DGKH: variants seen among roughly 807,000 people sequenced by gnomAD.
DGKH encodes DAG kinase eta.
Under a neutral mutation model 159.3 loss-of-function variants are expected in DGKH, and 90 were observed. The observed-to-expected ratio is 0.57, with a 90% CI of 0.48 to 0.67. The LOEUF (loss-of-function observed/expected upper bound fraction) is 0.67. Ranked by LOEUF, DGKH falls within the 30% of genes least tolerant of loss-of-function variation. The probability of loss-of-function intolerance (pLI) is 0.00; values close to 1 mark genes in which losing one functional copy is unlikely to be tolerated. For missense variants in DGKH, 1,181 were observed against 1,506.1 expected, an observed-to-expected ratio of 0.78 and a Z score of 3.57; for synonymous variants, 536 against 553.8, an observed-to-expected ratio of 0.97 and a Z score of 0.45.
At chr13:42,155,179 G>A (rs918925862) in intron 3 of DGKH, 112 bp from the exon 4 acceptor site, 37 of 828,808 alleles carry the variant, frequency 4.5e-5, no homozygotes, top group Non-Finnish European at 5.4e-5. Context: ...TTACAAAAAC[G>A]TAAGAAATAA....
chr13:42,252,671 G>A (rs915362427), intron 30 of DGKH, among the ~76,000 whole-genome samples: 3 of 152,210 alleles, frequency 2.0e-5, no homozygotes, highest in South Asian at 2.1e-4. Context: ...GCAATTGCAC[G>A]CTAATTCTAT....
At chr13:42,160,218 A>G in intron 7 of DGKH, 82 bp downstream of exon 7, 4 of 1,595,688 alleles carry the variant, frequency 2.5e-6, no homozygotes, top group Non-Finnish European at 2.6e-6. Flanking sequence ...GAGGCAAAGC[A>G]AAGAATTTAT....
chr13:42,110,175 A>G (rs1349307370), intron 1 of DGKH, among the ~76,000 whole-genome samples: 2 of 152,168 alleles, frequency 1.3e-5, no homozygotes, highest in Non-Finnish European at 2.9e-5. Flanking sequence ...AGATAACTGT[A>G]TGTGGTAGAT....
Position 42,187,147 on chromosome 13 carries a change from A to G in DGKH, c.1637A>G (p.Lys546Arg), listed in dbSNP as rs1225227469. The G allele has an allele frequency of 1.2e-6, 2 of 1,613,312 alleles. No individual in the cohort carries two copies. The highest frequency in any genetic ancestry group is 1.1e-5 in the South Asian group (1 of 91,068). The change falls in exon 14 of 30, where the codon AAA becomes AGA. Residue 546 changes from lysine to arginine, a missense_variant and splice_region_variant. By Grantham distance (26) the Lys-to-Arg change is conservative (BLOSUM62 2). This residue lies in a region of DGKH where 257 missense variants were observed against 281.5 expected (regional missense o/e 0.91). Transcript: ENST00000337343. ...GTTGTAGCTGATGCCGTGGCCAGTA[A>G]AGTAAGAGGGGACTCTTCAGGGCAT... is the stretch of plus-strand genomic sequence containing the variant. ...NAVVADAVASKCSVLNEKLEQ... is the reference protein window; with the variant it reads ...NAVVADAVASRCSVLNEKLEQ...
At chr13:42,202,413 C>G (rs773471761) in intron 20 of DGKH, among the ~76,000 whole-genome samples, 35 of 152,286 alleles carry the variant, frequency 2.3e-4, no homozygotes, top group Admixed American at 9.2e-4. Flanking sequence ...GCTTTTTACT[C>G]TTACCTTTTT....
chr13:42,247,039 C>A (rs899128014), downstream of DGKH, among the ~76,000 whole-genome samples: 3 of 152,080 alleles, frequency 2.0e-5, no homozygotes, highest in Non-Finnish European at 4.4e-5. Context: ...CGCCCAGTTA[C>A]CTCATAGCCA....
intron 3 of DGKH, among the ~76,000 whole-genome samples, chr13:42,137,426 C>G (rs1272242781): frequency 1.3e-5 from 2 of 152,110 alleles, no homozygotes; most frequent in African/African-American, 4.8e-5. Context: ...TTGTGATTCC[C>G]ATTTGATAGA....
chr13:42,129,117 G>A (rs368068240), intron 2 of DGKH, among the ~76,000 whole-genome samples: 1 of 152,196 alleles, frequency 6.6e-6, no homozygotes, highest in Admixed American at 6.5e-5. Flanking sequence ...GGTTCAGAAG[G>A]TTCAGTTACT....
chr13:42,188,649 TTG>T (rs1956986681), intron 14 of DGKH, among the ~76,000 whole-genome samples: 1 of 152,246 alleles, frequency 6.6e-6, no homozygotes. Context: ...AAAATGTCTG[TTG>T]TGTTATTTTG....
chr13:42,095,877 C>T (rs1393440067), intron 1 of DGKH, among the ~76,000 whole-genome samples: 1 of 152,160 alleles, frequency 6.6e-6, no homozygotes, highest in African/African-American at 2.4e-5. Context: ...TTTACATTTG[C>T]TTGAACCAAT....
intron 1 of DGKH, among the ~76,000 whole-genome samples, chr13:42,077,120 G>A (rs1189106175): frequency 6.6e-6 from 1 of 151,904 alleles, no homozygotes; most frequent in Non-Finnish European, 1.5e-5. Context: ...CTTTCAAATT[G>A]CTCATATTTG....
chr13:42,162,092 C>T (rs1381768340), intron 7 of DGKH, among the ~76,000 whole-genome samples: 2 of 152,216 alleles, frequency 1.3e-5, no homozygotes, highest in African/African-American at 4.8e-5. Flanking sequence ...GACATCATTC[C>T]TGCCCCACCC....
chr13:42,201,626 G>A (rs968616108), intron 20 of DGKH, among the ~76,000 whole-genome samples: 2 of 151,970 alleles, frequency 1.3e-5, no homozygotes, highest in Admixed American at 6.6e-5. Context: ...AATCTTTTTT[G>A]AGTTGTAGGC....
intron 24 of DGKH, 88 bp downstream of exon 24, chr13:42,210,853 G>A (rs908602794): frequency 1.3e-5 from 16 of 1,225,338 alleles, no homozygotes; most frequent in South Asian, 9.1e-5. Context: ...TGTTTCAGTA[G>A]TGGTATCAAA....
chr13:42,043,034 T>C (rs1353990926), intron 1 of DGKH, among the ~76,000 whole-genome samples: 33 of 152,226 alleles, frequency 2.2e-4, no homozygotes, highest in Admixed American at 2.2e-3. Flanking sequence ...AGATTAAATA[T>C]GTTTTGAAGG....
intron 20 of DGKH, among the ~76,000 whole-genome samples, chr13:42,201,748 T>A (rs1957351007): frequency 6.6e-6 from 1 of 152,212 alleles, no homozygotes; most frequent in Non-Finnish European, 1.5e-5. Context: ...TTAAAATAAA[T>A]TAACAACATA....
In DGKH at chr13:42,051,801, G is replaced by T. The variant is rs186389282; in HGVS notation, c.192+2836G>T. Among the ~76,000 whole-genome samples the T allele has an allele frequency of 3.0e-4, 45 of 152,038 alleles. No individual in the cohort carries two copies. The East Asian group carries it at 7.7e-3, about 26-fold the overall frequency. ...CTGCCTCAGCCTCCCGAGTAGCTGGGATTACAGGCATGCGCCACCACACCC... is the reference window on the plus strand; with the variant it reads ...CTGCCTCAGCCTCCCGAGTAGCTGGTATTACAGGCATGCGCCACCACACCC... On this transcript the variant is annotated intron_variant, in intron 1 of 29. Transcript: ENST00000337343.
Position 42,133,499 on chromosome 13 carries a change from C to G in DGKH, c.384+3867C>G, listed in dbSNP as rs564645845. Reference sequence around the variant, plus strand: ...ATGAAGCCAGGACTTTGAGACCAGCCTGGGGAACATAGTGAGACACCCCTT... The same window carrying G: ...ATGAAGCCAGGACTTTGAGACCAGCGTGGGGAACATAGTGAGACACCCCTT... On this transcript the variant is annotated intron_variant, in intron 3 of 29. Coordinates refer to ENST00000337343, the MANE Select transcript of DGKH (RefSeq NM_178009.5). Among the ~76,000 whole-genome samples, 11 of 152,116 alleles carry G rather than the reference C, an allele frequency of 7.2e-5. No homozygotes were observed. The South Asian group carries it at 2.3e-3, about 32-fold the overall frequency.
chr13:42,142,926 A>G (rs1192942462), intron 3 of DGKH, among the ~76,000 whole-genome samples: 1 of 152,186 alleles, frequency 6.6e-6, no homozygotes, highest in Admixed American at 6.5e-5. Context: ...AGAACTTCCA[A>G]CACTGTGTTG....
Sources: allele counts gnomAD v4.1 joint callset (sites outside exome capture counted in the v4.1 genomes callset), GRCh38; gene constraint gnomAD v4.1.1; regional missense constraint gnomAD v4.1.1; transcripts MANE v1.5; gene names NCBI Gene and HGNC (gene_info 2026-07-23, HGNC 2026-07-21).